The following SHTN1 variants were observed in gnomAD, a reference collection of about 807,000 sequenced individuals.
SHTN1 encodes the protein shootin 1, also known as shootin-1.
A neutral mutation model predicts 83.1 loss-of-function variants in SHTN1; 42 were observed. The observed-to-expected ratio is 0.51, with a 90% CI of 0.39 to 0.65. SHTN1 has a LOEUF of 0.65. SHTN1 is among the 30% of genes least tolerant of loss of function. The pLI is 0.00. For missense variants in SHTN1, 622 were observed against 737.8 expected, an observed-to-expected ratio of 0.84 and a Z score of 1.82; for synonymous variants, 224 against 247.7, an observed-to-expected ratio of 0.90 and a Z score of 0.90.
intron 2 of SHTN1, among the ~76,000 whole-genome samples, chr10:117,046,172 C>T (rs911195759): frequency 6.6e-6 from 1 of 151,852 alleles, no homozygotes; most frequent in Admixed American, 6.6e-5. Context: ...CAGAGAACAC[C>T]AACCCAGATA....
At chr10:116,946,703 T>TTTTA (rs1053971519) in intron 7 of SHTN1, among the ~76,000 whole-genome samples, 1 of 146,072 alleles carries the variant, frequency 6.8e-6, no homozygotes, top group Non-Finnish European at 1.5e-5. Flanking sequence ...TATATATATG[T>TTTTA]TTTATTTATT....
intron 7 of SHTN1, among the ~76,000 whole-genome samples, chr10:116,945,716 T>C (rs180696720): frequency 1.3e-5 from 2 of 152,274 alleles, no homozygotes; most frequent in African/African-American, 4.8e-5. Context: ...AAGATAAAAT[T>C]TGACATTTGG....
At chr10:117,088,967 C>A (rs1045470656) in intron 1 of SHTN1, among the ~76,000 whole-genome samples, 10 of 152,174 alleles carry the variant, frequency 6.6e-5, no homozygotes, top group Non-Finnish European at 1.5e-4. Flanking sequence ...CTCTCTATAT[C>A]CCTATAACCT....
chr10:116,921,842 GA>G (rs1190936611), intron 11 of SHTN1, among the ~76,000 whole-genome samples: 2 of 152,124 alleles, frequency 1.3e-5, no homozygotes, highest in Non-Finnish European at 2.9e-5. Context: ...TACTATGTTA[GA>G]GGGGGAGGGA....
At chr10:117,047,143 C>T (rs1852675220) in intron 2 of SHTN1, among the ~76,000 whole-genome samples, 3 of 152,194 alleles carry the variant, frequency 2.0e-5, no homozygotes, top group East Asian at 1.9e-4. Context: ...CAGCACACTG[C>T]AACCTCTGCC....
chr10:117,062,723 T>A (rs930792887), intron 1 of SHTN1, among the ~76,000 whole-genome samples: 1 of 152,308 alleles, frequency 6.6e-6, no homozygotes, highest in South Asian at 2.1e-4. Flanking sequence ...GTATAACTCA[T>A]AGGTTAATGT....
chr10:117,048,593 A>G, intron 1 of SHTN1: 1 of 429,654 alleles, frequency 2.3e-6, no homozygotes, highest in Non-Finnish European at 3.1e-6. Flanking sequence ...TTAAACGTGC[A>G]ACTCTGAAAT....
chr10:116,977,065 G>A (rs374104996), intron 2 of SHTN1, among the ~76,000 whole-genome samples: 2 of 152,210 alleles, frequency 1.3e-5, no homozygotes, highest in South Asian at 2.1e-4. Flanking sequence ...CTTGCATAAC[G>A]GATGATTCAC....
At position 116,901,535 on chromosome 10, in the gene SHTN1, C is replaced by A. The variant is rs555669777; in HGVS notation, c.1673+230G>T. On this transcript the variant is annotated intron_variant, in intron 16 of 16. Coordinates refer to ENST00000355371, the MANE Select transcript of SHTN1 (RefSeq NM_001127211.3). Reference sequence around the variant, plus strand: ...TGTGTAGAAGAACCTGATTACCAAACCAGTTTAGGGGAAGTAATTCTCTTT... The same window carrying A: ...TGTGTAGAAGAACCTGATTACCAAAACAGTTTAGGGGAAGTAATTCTCTTT... The A allele has an allele frequency of 1.1e-5, 11 of 985,268 alleles. No individual in the cohort carries two copies. The South Asian group carries it at 5.2e-4, about 46-fold the overall frequency. The allele number at this position is 985,268 out of a possible 1,614,324, so 61.0% of individuals were successfully genotyped here.
chr10:116,950,359 A>G (rs1476997478), intron 6 of SHTN1, among the ~76,000 whole-genome samples: 1 of 151,944 alleles, frequency 6.6e-6, no homozygotes, highest in Non-Finnish European at 1.5e-5. Context: ...TTGAGAGACG[A>G]GGTCTTGCTA....
chr10:117,006,390 C>A (rs1589892377), upstream of SHTN1, among the ~76,000 whole-genome samples: 1 of 151,666 alleles, frequency 6.6e-6, no homozygotes, highest in South Asian at 2.1e-4. Flanking sequence ...CACGGTGAAA[C>A]CCCGTCTCTA....
intron 12 of SHTN1, among the ~76,000 whole-genome samples, chr10:116,919,144 A>G (rs1848469539): frequency 6.6e-6 from 1 of 152,220 alleles, no homozygotes; most frequent in Non-Finnish European, 1.5e-5. Context: ...TATAAATGCA[A>G]ACCCCAAAGT....
chr10:117,076,343 G>A (rs1853153636), intron 1 of SHTN1, among the ~76,000 whole-genome samples: 1 of 152,146 alleles, frequency 6.6e-6, no homozygotes, highest in Admixed American at 6.5e-5. Flanking sequence ...CCTTGGAGCT[G>A]TCCGCTAGAG....
At chr10:116,978,061 C>A (rs1032231771) in intron 2 of SHTN1, among the ~76,000 whole-genome samples, 3 of 152,072 alleles carry the variant, frequency 2.0e-5, no homozygotes, top group Non-Finnish European at 2.9e-5. Context: ...TAGGATTTCA[C>A]AGAACACCAA....
At chr10:117,044,571 A>G (rs1202439904) in intron 2 of SHTN1, among the ~76,000 whole-genome samples, 1 of 152,186 alleles carries the variant, frequency 6.6e-6, no homozygotes, top group African/African-American at 2.4e-5. Context: ...TATTTTCTAT[A>G]TCAATTTGAA....
chr10:116,935,416 A>G (rs1849122196), intron 9 of SHTN1, among the ~76,000 whole-genome samples: 1 of 152,166 alleles, frequency 6.6e-6, no homozygotes, highest in Non-Finnish European at 1.5e-5. Flanking sequence ...GCATCTATTG[A>G]GATAATCATG....
chr10:116,898,664 T>C (rs1053117322), intron 16 of SHTN1, among the ~76,000 whole-genome samples: 1 of 152,200 alleles, frequency 6.6e-6, no homozygotes, highest in Admixed American at 6.5e-5. Flanking sequence ...TTGTAGCTAT[T>C]ATTAAAATAG....
chr10:116,994,540 G>A (rs1851561361), intron 1 of SHTN1, among the ~76,000 whole-genome samples: 1 of 151,670 alleles, frequency 6.6e-6, no homozygotes, highest in Non-Finnish European at 1.5e-5. Flanking sequence ...AAGGGGAAGG[G>A]GAGATTCTGT....
At chr10:116,936,201 CT>C (rs762282491) in intron 9 of SHTN1, among the ~76,000 whole-genome samples, 1 of 151,874 alleles carries the variant, frequency 6.6e-6, no homozygotes, top group Non-Finnish European at 1.5e-5. Context: ...TATTTCTTGC[CT>C]TCTGCTAGCT....
Sources: allele counts gnomAD v4.1 joint callset (sites outside exome capture counted in the v4.1 genomes callset), GRCh38; gene constraint gnomAD v4.1.1; transcripts MANE v1.5; gene names NCBI Gene and HGNC (gene_info 2026-07-23, HGNC 2026-07-21).